The following GIPR variants were observed in gnomAD, a reference collection of about 807,000 sequenced individuals.
GIPR encodes the protein GIP-R.
Under a neutral mutation model 62.2 loss-of-function variants are expected in GIPR, and 74 were observed. The observed-to-expected ratio is 1.19, with a 90% CI of 0.99 to 1.44. GIPR has a LOEUF of 1.44. GIPR is among the 40% of genes most tolerant of loss of function. The pLI is 0.00. For synonymous variants in GIPR, 256 were observed against 262.2 expected (o/e 0.98, Z 0.23); for missense variants, 664 against 611.8 (o/e 1.09, Z -0.90).
chr19:45,678,105 T>G lies in GIPR; in HGVS notation c.1031T>G (p.Leu344Arg). 2.5e-6 allele frequency: 4 copies of G among 1,612,656 alleles called. No individual in the cohort carries two copies. The highest frequency in any genetic ancestry group is 3.4e-6 in the Non-Finnish European group (4 of 1,179,888). The change falls in exon 12 of 14, where the codon CTG becomes CGG. Residue 344 changes from leucine (L) to arginine (R), a missense_variant. Leu to Arg is a moderately radical substitution (Grantham distance 102). Coordinates refer to ENST00000590918, the MANE Select transcript of GIPR (RefSeq NM_000164.4). ...CTCCCCAGGCTGGCTCGCTCCACGCTGACGCTGGTGCCCCTGCTGGGTGTC... is the reference window on the plus strand; with the variant it reads ...CTCCCCAGGCTGGCTCGCTCCACGCGGACGCTGGTGCCCCTGCTGGGTGTC... The part of the protein sequence containing the change: ...DYRLRLARST[L>R]TLVPLLGVHE...
intron 3 of GIPR, 103 bp downstream of exon 3, chr19:45,670,837 T>C: frequency 1.4e-6 from 1 of 735,840 alleles, no homozygotes; most frequent in East Asian, 2.7e-5. Flanking sequence ...CTCGGGGCGC[T>C]GTGGGCTGGA....
rs1335419201 is a variant in GIPR, at chr19:45,677,979, G to A, written c.998G>A (p.Arg333Gln). The A allele has an allele frequency of 1.2e-6, 2 of 1,613,848 alleles. No individual in the cohort carries two copies. Among genetic ancestry groups the A allele is most frequent in the Admixed American group, 3.3e-5 (2 of 59,998 alleles). Residue 333 changes from arginine to glutamine, a missense_variant, in exon 11 of 14, where the codon CGG becomes CAG. Transcript: ENST00000590918. ...SKLRTRQMRCRDYRLRLARST... is the reference protein window; with the variant it reads ...SKLRTRQMRCQDYRLRLARST... ...CTGAGGACACGGCAAATGCGCTGCC[G>A]GGATTACCGGCTGAGGTGAGGGCAT... is the stretch of plus-strand genomic sequence containing the variant.
intron 6 of GIPR, chr19:45,674,479 A>G (rs1975724255): frequency 1.6e-6 from 1 of 636,874 alleles, no homozygotes; most frequent in Non-Finnish European, 2.8e-6. Flanking sequence ...CTGGTGGTGC[A>G]CCTGTGGTAC....
In GIPR at chr19:45,674,693, G is replaced by A; in HGVS notation, c.500G>A (p.Cys167Tyr). The A allele has an allele frequency of 6.2e-7, 1 of 1,613,956 alleles. No individual in the cohort carries two copies. The highest frequency in any genetic ancestry group is 8.5e-7 in the Non-Finnish European group (1 of 1,179,978). The stretch of plus-strand genomic sequence containing the variant: ...CCAAATTCCCCTAGGCGGCTACATT[G>A]CACTAGAAACTATATCCACATCAAC... ...LILSLFRRLH[C>Y]TRNYIHINLF... Residue 167 changes from cysteine (C) to tyrosine (Y), a missense_variant, in exon 7 of 14, where the codon TGC (cysteine) becomes TAC (tyrosine). Coordinates refer to ENST00000590918, the MANE Select transcript of GIPR (RefSeq NM_000164.4).
intron 9 of GIPR, 55 bp from the exon 10 acceptor site, chr19:45,677,646 ATGAGCTTGG>A: frequency 7.6e-7 from 1 of 1,315,482 alleles, no homozygotes; most frequent in South Asian, 1.2e-5. Flanking sequence ...TAGCGAGCAA[ATGAGCTTGG>A]TGATCGGTGA....
At position 45,681,551 on chromosome 19, in the gene GIPR, G is replaced by A. The variant is rs1394784279; in HGVS notation, c.1153-53G>A. 10 of 1,507,658 alleles carry A rather than the reference G, an allele frequency of 6.6e-6. No individual in the cohort carries two copies. In the African/African-American group the frequency reaches 8.2e-5, roughly 12 times the overall value. 93.4% of individuals were successfully genotyped at this position (1,507,658 alleles called of 1,614,324 possible). A position where few individuals can be genotyped will look rare whatever the true frequency, so the allele number is the denominator to read the frequency against. ...AAAACGGGGAGGGAGGCGCGGAGGC[G>A]GTTACAGTCCTGCCCCCACCAGCGA... is the stretch of plus-strand genomic sequence containing the variant. On this transcript the variant is annotated intron_variant, in intron 12 of 13. Coordinates refer to ENST00000590918, the MANE Select transcript of GIPR (RefSeq NM_000164.4).
intron 12 of GIPR, among the ~76,000 whole-genome samples, chr19:45,678,734 A>T (rs2146099476): frequency 6.6e-6 from 1 of 152,336 alleles, no homozygotes; most frequent in African/African-American, 2.4e-5. Context: ...GGACCAGGAC[A>T]GGAGATTGGC....
chr19:45,677,423 GGGGCT>G, intron 9 of GIPR, 40 bp downstream of exon 9: 1 of 1,268,148 alleles, frequency 7.9e-7, no homozygotes, highest in Non-Finnish European at 1.1e-6. Flanking sequence ...GGAGGTGGGC[GGGGCT>G]TTGAGGGACT....
At chr19:45,677,258 G>C (rs1403449081) in intron 8 of GIPR, 65 bp from the exon 9 acceptor site, 20 of 1,397,268 alleles carry the variant, frequency 1.4e-5, no homozygotes, top group Non-Finnish European at 2.0e-5. Context: ...TCTTGGGCCT[G>C]GCGGGGCCCG....
chr19:45,672,608 A>G (rs1384173964), intron 4 of GIPR: 1 of 449,616 alleles, frequency 2.2e-6, no homozygotes, highest in Non-Finnish European at 4.2e-6. Context: ...CCCAGCCTTA[A>G]CATTTTGTAC....
chr19:45,682,054 CCT>C lies in GIPR; in HGVS notation c.*120_*121del. 1 of 849,256 alleles carries C rather than the reference CCT, an allele frequency of 1.2e-6. No homozygotes were observed. Among genetic ancestry groups the C allele is most frequent in the Non-Finnish European group, 1.9e-6 (1 of 521,650 alleles). 52.6% of individuals were successfully genotyped at this position (849,256 alleles called of 1,614,324 possible). A position where few individuals can be genotyped will look rare whatever the true frequency, so the allele number is the denominator to read the frequency against. On this transcript the variant is annotated 3_prime_UTR_variant, in exon 14 of 14. Transcript: ENST00000590918. ...AAGGAAACAGAAAAAAGGTCCCTGC[CCT>C]TCTGGAGATGACAACTGAGTGGGGA...
Position 45,674,817 on chromosome 19 carries a change from G to A in GIPR, c.624G>A (p.Leu208=), listed in dbSNP as rs749454714. The A allele has an allele frequency of 9.9e-6, 16 of 1,613,808 alleles. No individual in the cohort carries two copies. The Admixed American group carries it at 1.8e-4, about 19-fold the overall frequency. ...ACCTTGGGGACCAGGCCCTTGCGCT[G>A]TGGAACCAGGTGGGCATCCTCCTTC... ...GPYLGDQALA[L]WNQALAACRT... is the part of the protein sequence containing the mutation. Residue 208 remains leucine, a synonymous_variant, in exon 7 of 14, where the codon CTG becomes CTA. Transcript: ENST00000590918.
At chr19:45,672,394 C>T (rs1384669332) in intron 4 of GIPR, among the ~76,000 whole-genome samples, 1 of 150,852 alleles carries the variant, frequency 6.6e-6, no homozygotes, top group Non-Finnish European at 1.5e-5. Flanking sequence ...TGTAACCTCA[C>T]CTCCCGGGTT....
chr19:45,681,772 G>A lies in GIPR; in HGVS notation c.1238G>A (p.Arg413His). 5 of 1,602,334 alleles carry A rather than the reference G, an allele frequency of 3.1e-6. No individual in the cohort carries two copies. The South Asian group carries it at 4.4e-5, about 14-fold the overall frequency. ...CGTGGCTGGCACCACTGCCGCCTGC[G>A]CCGCAGCCTGGGCGAGGAGCAACGC... Reference protein sequence around the residue: ...IRRGWHHCRLRRSLGEEQRQL... With the variant: ...IRRGWHHCRLHRSLGEEQRQL... The change falls in exon 14 of 14, where the codon CGC becomes CAC. Residue 413 changes from arginine (R) to histidine (H), a missense_variant. Transcript: ENST00000590918.
In GIPR at chr19:45,681,491, G is replaced by C; in HGVS notation, c.1153-113G>C. 3 of 920,410 alleles carry C rather than the reference G, an allele frequency of 3.3e-6. No individual in the cohort carries two copies. In the South Asian group the frequency reaches 4.3e-5, roughly 13 times the overall value. 57.0% of individuals were successfully genotyped at this position (920,410 alleles called of 1,614,324 possible). A position where few individuals can be genotyped will look rare whatever the true frequency, so the allele number is the denominator to read the frequency against. ...GCCTGGGCAACAAGAGCAATATTCCGACTCTTAAAAACAAACAAACAAACA... is the reference window on the plus strand; with the variant it reads ...GCCTGGGCAACAAGAGCAATATTCCCACTCTTAAAAACAAACAAACAAACA... On this transcript the variant is annotated intron_variant, in intron 12 of 13. Coordinates refer to ENST00000590918, the MANE Select transcript of GIPR (RefSeq NM_000164.4).
intron 4 of GIPR, chr19:45,672,560 C>T (rs1359263517): frequency 5.4e-6 from 2 of 372,158 alleles, no homozygotes; most frequent in Non-Finnish European, 1.0e-5. Context: ...CTGTCTTGGC[C>T]TCCCAAAGTG....
At chr19:45,676,806 TCA>T in intron 7 of GIPR, 141 bp from the exon 8 acceptor site, 2 of 760,886 alleles carry the variant, frequency 2.6e-6, no homozygotes, top group Non-Finnish European at 4.6e-6. Context: ...GAGAAACCAA[TCA>T]CAGATACCAT....
intron 12 of GIPR, among the ~76,000 whole-genome samples, chr19:45,678,695 G>C (rs1304140408): frequency 6.6e-6 from 1 of 152,202 alleles, no homozygotes; most frequent in African/African-American, 2.4e-5. Context: ...TACTGAGCTA[G>C]GACTGTCCTG....
chr19:45,669,008 A>G (rs1177249325), intron 1 of GIPR, among the ~76,000 whole-genome samples: 1 of 151,824 alleles, frequency 6.6e-6, no homozygotes, highest in Admixed American at 6.6e-5. Context: ...CGTTTCAAGT[A>G]CCCCACTAGG....
Sources: gnomAD v4.1 joint callset for allele counts (sites outside exome capture counted in the v4.1 genomes callset) on GRCh38, gnomAD v4.1.1 for gene constraint, MANE v1.5 for transcripts, NCBI Gene and HGNC (gene_info 2026-07-23, HGNC 2026-07-21) for gene names.